Variants in DAB1 observed in about 807,000 individuals in gnomAD.
The protein encoded by DAB1 is disabled homolog 1.
In DAB1, 15 loss-of-function variants were observed where a neutral mutation model predicts 64.6. The ratio of observed to expected loss-of-function variants is 0.23; its 90% confidence interval spans 0.16 to 0.36. DAB1 has a LOEUF of 0.36. Among genes scored for constraint, DAB1 ranks in the 10% least tolerant of loss-of-function variants. DAB1 has a pLI of 1.00. For synonymous variants in DAB1, 235 were observed against 251.9 expected, an observed-to-expected ratio of 0.93 and a Z score of 0.64; for missense variants, 596 against 706.7, an observed-to-expected ratio of 0.84 and a Z score of 1.78.
chr1:57,252,899 C>T (rs988278365), intron 2 of DAB1, among the ~76,000 whole-genome samples: 1 of 152,154 alleles, frequency 6.6e-6, no homozygotes, highest in South Asian at 2.1e-4. Flanking sequence ...AGTGGCAGGA[C>T]CAGTTTTGCA....
intron 11 of DAB1, among the ~76,000 whole-genome samples, chr1:57,021,702 C>T (rs893113009): frequency 6.6e-6 from 1 of 152,142 alleles, no homozygotes; most frequent in African/African-American, 2.4e-5. Flanking sequence ...ACTAATACAC[C>T]CAGGCAGGTC....
chr1:57,402,199 T>C (rs897109673), intron 1 of DAB1, among the ~76,000 whole-genome samples: 2 of 152,204 alleles, frequency 1.3e-5, no homozygotes, highest in Non-Finnish European at 1.5e-5. Context: ...TTTGCTGATA[T>C]GCTTTATGCT....
intron 5 of DAB1, among the ~76,000 whole-genome samples, chr1:58,114,852 G>C (rs1333814331): frequency 1.3e-5 from 2 of 152,160 alleles, no homozygotes; most frequent in Admixed American, 6.5e-5. Flanking sequence ...GCTCATGGTT[G>C]GCATCCACTG....
At chr1:57,512,523 C>G (rs537412803) in intron 7 of DAB1, among the ~76,000 whole-genome samples, 1 of 152,132 alleles carries the variant, frequency 6.6e-6, no homozygotes, top group Non-Finnish European at 1.5e-5. Flanking sequence ...AAGACAATAC[C>G]AAGGTCACTG....
At chr1:57,270,359 C>A (rs1670898402) in intron 2 of DAB1, among the ~76,000 whole-genome samples, 2 of 152,182 alleles carry the variant, frequency 1.3e-5, no homozygotes, top group South Asian at 4.1e-4. Flanking sequence ...GGGTATCAAA[C>A]AATTTATTTA....
Position 58,363,798 on chromosome 1 carries a change from C to T in DAB1, n.258-20395G>A, listed in dbSNP as rs541587011. Among the ~76,000 whole-genome samples, 5 of 152,344 alleles carry T rather than the reference C, an allele frequency of 3.3e-5. No individual in the cohort carries two copies. The South Asian group carries it at 1.0e-3, about 32-fold the overall frequency. ...TCAGACTGTAAGTTGAGTCTAATCACATCCAGCTTCCTCTTGCCCTTTTAT... is the reference window on the plus strand; with the variant it reads ...TCAGACTGTAAGTTGAGTCTAATCATATCCAGCTTCCTCTTGCCCTTTTAT... On this transcript the variant is annotated intron_variant and non_coding_transcript_variant, in intron 3 of 20. Coordinates refer to the DAB1 transcript ENST00000485760.
At chr1:58,348,285 A>C (rs994020628) in intron 3 of DAB1, among the ~76,000 whole-genome samples, 2 of 152,206 alleles carry the variant, frequency 1.3e-5, no homozygotes, top group African/African-American at 4.8e-5. Context: ...ATTCAAAAAA[A>C]TGAATGACTG....
At chr1:57,342,342 A>G (rs1677658231) in intron 1 of DAB1, among the ~76,000 whole-genome samples, 1 of 152,194 alleles carries the variant, frequency 6.6e-6, no homozygotes, top group Non-Finnish European at 1.5e-5. Flanking sequence ...GCTGTATTAT[A>G]AGAATGTTTT....
intron 3 of DAB1, among the ~76,000 whole-genome samples, chr1:57,144,742 A>G (rs1486896916): frequency 2.0e-5 from 3 of 152,012 alleles, no homozygotes; most frequent in Non-Finnish European, 4.4e-5. Context: ...TAGATTCCTC[A>G]GAGAAAAGGC....
chr1:57,137,157 T>A (rs979878297), intron 3 of DAB1, among the ~76,000 whole-genome samples: 1 of 152,182 alleles, frequency 6.6e-6, no homozygotes, highest in Non-Finnish European at 1.5e-5. Context: ...GTGATCAATA[T>A]AATTAAATGC....
At chr1:57,173,969 T>C (rs1428572214) in intron 2 of DAB1, among the ~76,000 whole-genome samples, 1 of 152,220 alleles carries the variant, frequency 6.6e-6, no homozygotes. Flanking sequence ...GTATGATCAC[T>C]GCCCTTATGA....
At chr1:57,254,762 C>T (rs1474731517) in intron 2 of DAB1, among the ~76,000 whole-genome samples, 2 of 151,750 alleles carry the variant, frequency 1.3e-5, no homozygotes, top group South Asian at 2.1e-4. Flanking sequence ...AAAATGCATG[C>T]TTAATATAAA....
chr1:57,122,319 T>A lies in DAB1; in HGVS notation c.306+14224A>T, dbSNP rs1289093326. Among the ~76,000 whole-genome samples, 5 of 152,184 alleles carry A rather than the reference T, an allele frequency of 3.3e-5. No individual in the cohort carries two copies. In the East Asian group the frequency reaches 7.7e-4, roughly 23 times the overall value. On this transcript the variant is annotated intron_variant, in intron 4 of 14. Transcript: ENST00000371236. ...CTCAGTAAATGTTTGATAGAATAAC[T>A]TTATTTTTACAGATGAGAGTGTCAG... is the stretch of plus-strand genomic sequence containing the variant.
At chr1:57,885,631 C>T (rs1020192447), upstream of DAB1, among the ~76,000 whole-genome samples, 14 of 152,110 alleles carry the variant, frequency 9.2e-5, no homozygotes, top group Non-Finnish European at 5.9e-5. Flanking sequence ...TATGTTCTTA[C>T]TTTTTTTCCA....
chr1:58,114,079 A>C (rs1652163307), intron 5 of DAB1, among the ~76,000 whole-genome samples: 1 of 139,328 alleles, frequency 7.2e-6, no homozygotes, highest in Non-Finnish European at 1.5e-5. Context: ...AAACCCCGTA[A>C]TTACTAAAAT....
chr1:57,603,097 G>C (rs982048644), intron 7 of DAB1, among the ~76,000 whole-genome samples: 1 of 152,046 alleles, frequency 6.6e-6, no homozygotes, highest in African/African-American at 2.4e-5. Context: ...CTCAGCCTAC[G>C]GGGCAGCTAG....
intron 4 of DAB1, among the ~76,000 whole-genome samples, chr1:58,284,208 A>G (rs1406213356): frequency 6.6e-6 from 1 of 152,138 alleles, no homozygotes; most frequent in African/African-American, 2.4e-5. Flanking sequence ...AATTTGGCTA[A>G]AATTCTGGTA....
chr1:58,543,292 T>C (rs949863878), intron 1 of DAB1, among the ~76,000 whole-genome samples: 18 of 152,242 alleles, frequency 1.2e-4, no homozygotes, highest in Admixed American at 2.0e-4. Flanking sequence ...TTATACATGT[T>C]GTTTACTGGA....
intron 2 of DAB1, among the ~76,000 whole-genome samples, chr1:57,178,346 T>G (rs537609333): frequency 6.6e-6 from 1 of 151,242 alleles, no homozygotes; most frequent in Non-Finnish European, 1.5e-5. Flanking sequence ...AACCCAGATG[T>G]TATAGAATGG....
Sources: gnomAD v4.1 joint callset for allele counts (sites outside exome capture counted in the v4.1 genomes callset) on GRCh38, gnomAD v4.1.1 for gene constraint, MANE v1.5 for transcripts, NCBI Gene and HGNC (gene_info 2026-07-23, HGNC 2026-07-21) for gene names.